Variants in GDE1 observed in about 807,000 individuals in gnomAD.
The protein encoded by GDE1 is glycerophosphodiester phosphodiesterase 1.
A neutral mutation model predicts 32.2 loss-of-function variants in GDE1; 24 were observed. The ratio of observed to expected loss-of-function variants is 0.75; its 90% CI spans 0.54 to 1.05. The LOEUF (loss-of-function observed/expected upper bound fraction) is 1.05. Ranked by LOEUF, GDE1 falls within the 50% of genes least tolerant of loss-of-function variation. The pLI is 0.00. For synonymous variants in GDE1, 159 were observed against 158.6 expected (o/e 1.00, Z -0.02); for missense variants, 380 against 415.0 (o/e 0.92, Z 0.73).
chr16:19,517,077 C>T lies in GDE1; in HGVS notation c.374G>A (p.Arg125Gln), dbSNP rs537541856. The part of the protein sequence containing the change: ...TVDRTTDGTG[R>Q]LCDLTFEQIR... ...TTGTTCAAATGTCAAATCACACAATCGCCCAGTCCCATCAGTCGTCCTATC... is the reference window on the plus strand; with the variant it reads ...TTGTTCAAATGTCAAATCACACAATTGCCCAGTCCCATCAGTCGTCCTATC... Residue 125 changes from arginine (R) to glutamine (Q), a missense_variant, in exon 2 of 6, where the codon CGA (arginine) becomes CAA (glutamine). Arg to Gln is a conservative substitution (Grantham distance 43). Transcript: ENST00000353258. The T allele has an allele frequency of 3.4e-5, 55 of 1,614,108 alleles. No homozygotes were observed. Among genetic ancestry groups the T allele is most frequent in the African/African-American group, 3.1e-4 (23 of 75,036 alleles).
At position 19,521,895 on chromosome 16, in the gene GDE1, C is replaced by G; in HGVS notation, c.70G>C (p.Val24Leu). ...CAGGCATTGACCGGGCTCCGCGTCA[C>G]CAGCAGCAGCACTAGCAGCAGGAAG... ...FSFLLLVLLL[V>L]TRSPVNACLL... Residue 24 changes from valine to leucine, a missense_variant, in exon 1 of 6, where the codon GTG (valine) becomes CTG (leucine). Transcript: ENST00000353258. 2 of 1,600,136 alleles carry G rather than the reference C, an allele frequency of 1.2e-6. No homozygotes were observed. The highest frequency in any genetic ancestry group is 1.7e-6 in the Non-Finnish European group (2 of 1,174,360).
intron 4 of GDE1, among the ~76,000 whole-genome samples, chr16:19,506,069 A>G (rs1369927360): frequency 6.6e-6 from 1 of 152,182 alleles, no homozygotes; most frequent in Non-Finnish European, 1.5e-5. Flanking sequence ...AGTCAACCAG[A>G]TGTCAAGTGC....
At chr16:19,517,969 C>T (rs1969402886) in intron 1 of GDE1, among the ~76,000 whole-genome samples, 1 of 151,092 alleles carries the variant, frequency 6.6e-6, no homozygotes. Flanking sequence ...CTCACTAAAA[C>T]CTCCGCCTCC....
chr16:19,503,523 C>G lies in GDE1; in HGVS notation c.943G>C (p.Gly315Arg). 2 of 1,613,712 alleles carry G rather than the reference C, an allele frequency of 1.2e-6. No individual in the cohort carries two copies. Among genetic ancestry groups the G allele is most frequent in the South Asian group, 2.2e-5 (2 of 91,054 alleles). Residue 315 changes from glycine to arginine, a missense_variant, in exon 6 of 6, where the codon GGT becomes CGT. Transcript: ENST00000353258. The stretch of plus-strand genomic sequence containing the variant: ...ATGCTGTCAGTGATATAGCTGGAAC[C>G]AAGATGGGATTCGTAGTAACTCTTT... ...DEKSYYESHL[G>R]SSYITDSMVE...
intron 2 of GDE1, among the ~76,000 whole-genome samples, chr16:19,514,356 A>G (rs1431078055): frequency 1.3e-5 from 2 of 152,200 alleles, no homozygotes; most frequent in Non-Finnish European, 2.9e-5. Flanking sequence ...ATGTGTTCAA[A>G]TACAGATATT....
chr16:19,510,810 C>T (rs745545887), intron 3 of GDE1, 29 bp downstream of exon 3: 2 of 1,007,862 alleles, frequency 2.0e-6, no homozygotes, highest in Non-Finnish European at 2.9e-6. Flanking sequence ...GTCTTTTTAA[C>T]AAAGTGAAGT....
chr16:19,503,612 T>C lies in GDE1; in HGVS notation c.854A>G (p.Tyr285Cys). 1 of 1,613,382 alleles carries C rather than the reference T, an allele frequency of 6.2e-7. No homozygotes were observed. Among genetic ancestry groups the C allele is most frequent in the Non-Finnish European group, 8.5e-7 (1 of 1,179,450 alleles). Residue 285 changes from tyrosine (Y) to cysteine (C), a missense_variant, in exon 6 of 6, where the codon TAC becomes TGC. By Grantham distance (194) the Tyr-to-Cys change is radical (BLOSUM62 -2). Coordinates refer to ENST00000353258, the MANE Select transcript of GDE1 (RefSeq NM_016641.4). ...LMQKDFVSPA[Y>C]LKKWSAKGIQ... ...TCCTTTAGCTGACCACTTCTTCAAG[T>C]AGGCCCTGGGGAAAGAGGAAAGCCA... is the stretch of plus-strand genomic sequence containing the variant.
At chr16:19,513,915 A>G (rs1336578460) in intron 2 of GDE1, among the ~76,000 whole-genome samples, 3 of 152,226 alleles carry the variant, frequency 2.0e-5, no homozygotes, top group Non-Finnish European at 2.9e-5. Flanking sequence ...ACTGGACCAC[A>G]TGGTGGTGCC....
At chr16:19,512,927 T>TGTG (rs1969335970) in intron 2 of GDE1, among the ~76,000 whole-genome samples, 2 of 137,006 alleles carry the variant, frequency 1.5e-5, no homozygotes, top group South Asian at 4.9e-4. Flanking sequence ...TGTATCTGTT[T>TGTG]TGTGTGTGTG....
intron 1 of GDE1, among the ~76,000 whole-genome samples, chr16:19,520,810 A>C (rs904593533): frequency 6.6e-6 from 1 of 152,164 alleles, no homozygotes; most frequent in East Asian, 1.9e-4. Flanking sequence ...ACACAGATGC[A>C]AAAGTGCCTA....
At chr16:19,520,264 C>T (rs576263366) in intron 1 of GDE1, among the ~76,000 whole-genome samples, 9 of 151,796 alleles carry the variant, frequency 5.9e-5, no homozygotes, top group Non-Finnish European at 1.2e-4. Context: ...TGGCCGGGCA[C>T]GGTGGCTCAT....
chr16:19,515,415 GATTTTTTGAAAATCACA>G (rs1969369371), intron 2 of GDE1, among the ~76,000 whole-genome samples: 1 of 152,144 alleles, frequency 6.6e-6, no homozygotes, highest in African/African-American at 2.4e-5. Context: ...CTTCTTAAGG[GATTTTTTGAAAATCACA>G]ATTTTTTTTC....
In GDE1 at chr16:19,517,022, G is replaced by C; in HGVS notation, c.429C>G (p.His143Gln). ...QIRKLNPAAN[H>Q]RLRNDFPDEK... is the part of the protein sequence containing the mutation. Reference sequence around the variant, plus strand: ...GACAATAAACTACTTACCTGAGTCTGTGGTTTGCTGCAGGATTCAGCTTCC... The same window carrying C: ...GACAATAAACTACTTACCTGAGTCTCTGGTTTGCTGCAGGATTCAGCTTCC... The change falls in exon 2 of 6, where the codon CAC becomes CAG. Residue 143 changes from histidine to glutamine, a missense_variant. Transcript: ENST00000353258. 6.2e-7 allele frequency: 1 copy of C among 1,613,910 alleles called. No homozygotes were observed. The highest frequency in any genetic ancestry group is 1.3e-5 in the African/African-American group (1 of 75,038).
chr16:19,509,289 G>A lies in GDE1; in HGVS notation c.544-1510C>T, dbSNP rs528195732. On this transcript the variant is annotated intron_variant, in intron 3 of 5. Coordinates refer to ENST00000353258, the MANE Select transcript of GDE1 (RefSeq NM_016641.4). ...TGCACTCCAGCCTAGGTGACAGAGT[G>A]AGACTCTGTCTCAAAAAATCTAAGA... is the stretch of plus-strand genomic sequence containing the variant. Among the ~76,000 whole-genome samples the A allele has an allele frequency of 5.3e-5, 8 of 152,258 alleles. No individual in the cohort carries two copies. The South Asian group carries it at 1.7e-3, about 32-fold the overall frequency.
chr16:19,517,889 CT>C (rs564282570), intron 1 of GDE1, among the ~76,000 whole-genome samples: 527 of 140,938 alleles, frequency 3.7e-3, no homozygotes, highest in South Asian at 4.6e-3. Flanking sequence ...AGATTTCTTT[CT>C]TTTTTTTTTT....
chr16:19,519,477 T>C (rs1239959772), intron 1 of GDE1, among the ~76,000 whole-genome samples: 2 of 149,192 alleles, frequency 1.3e-5, no homozygotes, highest in African/African-American at 2.5e-5. Flanking sequence ...TATATATACA[T>C]ACACAATACT....
At chr16:19,510,967 T>C (rs977709704) in intron 2 of GDE1, 23 bp from the exon 3 acceptor site, 3 of 1,220,580 alleles carry the variant, frequency 2.5e-6, no homozygotes, top group Non-Finnish European at 3.6e-6. Context: ...AGAAAATACG[T>C]TGTAGGAAAA....
rs1412238952 is a variant in GDE1, at chr16:19,503,449, G to A, written c.*21C>T. The A allele has an allele frequency of 3.1e-6, 5 of 1,610,378 alleles. No individual in the cohort carries two copies. In the Admixed American group the frequency reaches 6.7e-5, roughly 22 times the overall value. On this transcript the variant is annotated 3_prime_UTR_variant, in exon 6 of 6. Coordinates refer to ENST00000353258, the MANE Select transcript of GDE1 (RefSeq NM_016641.4). ...GAGGCCCCTGGCAGTTTCTGAACCCGTTTCGTCCCACCGTGAAAGTCTAGA... is the reference window on the plus strand; with the variant it reads ...GAGGCCCCTGGCAGTTTCTGAACCCATTTCGTCCCACCGTGAAAGTCTAGA...
chr16:19,507,668 G>C lies in GDE1; in HGVS notation c.636+19C>G, dbSNP rs371372422. 7.6e-7 allele frequency: 1 copy of C among 1,307,738 alleles called. No individual in the cohort carries two copies. Among genetic ancestry groups the C allele is most frequent in the Non-Finnish European group, 1.1e-6 (1 of 900,866 alleles). The allele number at this position is 1,307,738 out of a possible 1,614,324, so 81.0% of individuals were successfully genotyped here. A position where few individuals can be genotyped will look rare whatever the true frequency, so the allele number is the denominator to read the frequency against. On this transcript the variant is annotated intron_variant, in intron 4 of 5. Coordinates refer to ENST00000353258, the MANE Select transcript of GDE1 (RefSeq NM_016641.4). ...ACACCAGCTCACCTAATATGTACAA[G>C]AAAAATCCCGAATGTTACCTTGTAG...
Sources: allele counts gnomAD v4.1 joint callset (sites outside exome capture counted in the v4.1 genomes callset), GRCh38; gene constraint gnomAD v4.1.1; transcripts MANE v1.5; gene names NCBI Gene and HGNC (gene_info 2026-07-23, HGNC 2026-07-21).